The following QTMAN variants were observed in gnomAD, a reference collection of about 807,000 sequenced individuals.
QTMAN encodes tRNA-queuosine alpha-mannosyltransferase.
the QTMAN span, among the ~76,000 whole-genome samples, chr2:144,088,686 T>A: frequency 6.6e-6 from 1 of 152,020 alleles, no homozygotes; most frequent in Admixed American, 6.6e-5. Context: ...AGCCAACTGG[T>A]CTTCAACAAA....
At chr2:144,065,641 C>T in the QTMAN span, among the ~76,000 whole-genome samples, 1 of 152,042 alleles carries the variant, frequency 6.6e-6, no homozygotes, top group African/African-American at 2.4e-5. Context: ...CCCTTGGTAC[C>T]TTCCTTAAAC....
the QTMAN span, among the ~76,000 whole-genome samples, chr2:144,269,436 G>A: frequency 2.6e-5 from 4 of 152,024 alleles, no homozygotes; most frequent in East Asian, 1.9e-4. Context: ...GAATGATATC[G>A]TTAATTTTTA....
At chr2:143,982,853 C>CAAAAA in the QTMAN span, among the ~76,000 whole-genome samples, 39 of 60,588 alleles carry the variant, frequency 6.4e-4, no homozygotes, top group Middle Eastern at 0.011. Flanking sequence ...GACTCTGTCT[C>CAAAAA]AAAAAAAAAA....
At chr2:144,315,424 T>C in the QTMAN span, among the ~76,000 whole-genome samples, 1 of 152,206 alleles carries the variant, frequency 6.6e-6, no homozygotes, top group African/African-American at 2.4e-5. Flanking sequence ...ATGGGAACAA[T>C]CAGCATGTCT....
At chr2:144,049,455 A>G in the QTMAN span, among the ~76,000 whole-genome samples, 22 of 152,186 alleles carry the variant, frequency 1.4e-4, no homozygotes, top group Non-Finnish European at 5.9e-5. Context: ...TTTAATTTTC[A>G]CTATTATCAA....
chr2:144,198,787 A>G, the QTMAN span, among the ~76,000 whole-genome samples: 3,209 of 152,294 alleles, frequency 0.021, 43 homozygotes, highest in Middle Eastern at 0.051. Flanking sequence ...GAATTTAAGA[A>G]TGCATATGAA....
the QTMAN span, among the ~76,000 whole-genome samples, chr2:144,205,828 CAA>C: frequency 6.6e-6 from 1 of 152,132 alleles, no homozygotes; most frequent in Admixed American, 6.6e-5. Flanking sequence ...TTTCATAACC[CAA>C]AAGTTAATGC....
chr2:144,251,597 TAAACATA>T, the QTMAN span, among the ~76,000 whole-genome samples: 3 of 152,054 alleles, frequency 2.0e-5, no homozygotes, highest in Admixed American at 6.6e-5. Context: ...ATCATAAACC[TAAACATA>T]AAACATAAAA....
chr2:144,157,646 A>T, the QTMAN span, among the ~76,000 whole-genome samples: 3 of 152,068 alleles, frequency 2.0e-5, no homozygotes, highest in Non-Finnish European at 4.4e-5. Context: ...TGTTGAAGGC[A>T]GGGATTGGAA....
chr2:144,268,869 A>G, the QTMAN span, among the ~76,000 whole-genome samples: 17 of 152,024 alleles, frequency 1.1e-4, no homozygotes, highest in Non-Finnish European at 1.9e-4. Context: ...GGCTCACTGC[A>G]ACCTCCACCT....
At chr2:144,201,300 G>A in the QTMAN span, among the ~76,000 whole-genome samples, 3 of 152,124 alleles carry the variant, frequency 2.0e-5, no homozygotes, top group South Asian at 2.1e-4. Context: ...TGCCAACAAA[G>A]GGACCAGCAA....
the QTMAN span, among the ~76,000 whole-genome samples, chr2:144,070,516 A>G: frequency 6.6e-6 from 1 of 152,184 alleles, no homozygotes; most frequent in South Asian, 2.1e-4. Context: ...TGAAATACAT[A>G]ACACAATACA....
At chr2:144,313,922 T>C in the QTMAN span, among the ~76,000 whole-genome samples, 2 of 151,732 alleles carry the variant, frequency 1.3e-5, no homozygotes, top group Admixed American at 1.3e-4. Flanking sequence ...ATCTACAAAC[T>C]TGAACTAACA....
chr2:144,124,910 T>C, the QTMAN span, among the ~76,000 whole-genome samples: 1 of 152,164 alleles, frequency 6.6e-6, no homozygotes, highest in Admixed American at 6.6e-5. Flanking sequence ...AATGTTCTTT[T>C]CCCCTAAACT....
the QTMAN span, among the ~76,000 whole-genome samples, chr2:144,190,420 T>TA: frequency 6.6e-6 from 1 of 152,194 alleles, no homozygotes. Context: ...AGTCATGCTT[T>TA]AACTATGTGA....
chr2:144,045,960 G>C, the QTMAN span, among the ~76,000 whole-genome samples: 6 of 152,156 alleles, frequency 3.9e-5, no homozygotes, highest in Admixed American at 3.9e-4. Flanking sequence ...GTTGATCTTA[G>C]AACTTTGAAA....
the QTMAN span, among the ~76,000 whole-genome samples, chr2:144,292,148 T>A: frequency 9.9e-5 from 15 of 152,190 alleles, no homozygotes; most frequent in Admixed American, 9.8e-4. Flanking sequence ...AAAGATGGTC[T>A]ATTACCTTCT....
the QTMAN span, among the ~76,000 whole-genome samples, chr2:144,242,960 TAAAAAAAAAAAAA>T: frequency 2.6e-5 from 2 of 77,806 alleles, no homozygotes; most frequent in East Asian, 7.0e-4. Flanking sequence ...AGACTCTACT[TAAAAAAAAAAAAA>T]AAAAAAAAAA....
chr2:144,098,581 G>A, the QTMAN span, among the ~76,000 whole-genome samples: 21 of 151,888 alleles, frequency 1.4e-4, no homozygotes, highest in East Asian at 5.8e-4. Flanking sequence ...CAGATGTGGC[G>A]GCATGCACCT....
Sources: allele counts gnomAD v4.1 joint callset (sites outside exome capture counted in the v4.1 genomes callset), GRCh38; gene constraint gnomAD v4.1.1; transcripts MANE v1.5; gene names NCBI Gene and HGNC (gene_info 2026-07-23, HGNC 2026-07-21).